PAM: variants seen among roughly 807,000 people sequenced by gnomAD.
PAM encodes the protein peptidylglycine alpha-amidating monooxygenase, also known as peptidyl-glycine alpha-amidating monooxygenase.
PAM carries 72 observed loss-of-function variants against 122.1 expected under a neutral mutation model. The observed-to-expected ratio is 0.59, with a 90% CI of 0.49 to 0.72. PAM has a LOEUF of 0.72. Among genes scored for constraint, PAM ranks in the 30% least tolerant of loss-of-function variants. PAM has a pLI of 0.00. For missense variants in PAM, 1,106 were observed against 1,183.7 expected, an observed-to-expected ratio of 0.93 and a Z score of 0.96; for synonymous variants, 389 against 404.4, an observed-to-expected ratio of 0.96 and a Z score of 0.46.
Position 102,974,292 on chromosome 5 carries a change from G to T in PAM, c.1339G>T (p.Glu447Ter), listed in dbSNP as rs1194442483. The T allele has an allele frequency of 1.9e-6, 3 of 1,614,070 alleles. No individual in the cohort carries two copies. Among genetic ancestry groups the T allele is most frequent in the Admixed American group, 3.3e-5 (2 of 60,012 alleles). ...RSDAREGAEH[E>*]RGNAILVRDR... ...TGATGCCAGAGAGGGTGCAGAACATGAGAGGGGTAATGCTATTCTTGTCAG... is the reference window on the plus strand; with the variant it reads ...TGATGCCAGAGAGGGTGCAGAACATTAGAGGGGTAATGCTATTCTTGTCAG... Residue 447 changes from glutamate to a stop codon, truncating the protein, a stop_gained, in exon 15 of 26, where the codon GAG becomes TAG. Transcript: ENST00000438793. LOFTEE classifies it high-confidence loss of function.
intron 1 of PAM, among the ~76,000 whole-genome samples, chr5:102,811,824 A>G (rs1767994700): frequency 6.6e-6 from 1 of 152,266 alleles, no homozygotes; most frequent in Non-Finnish European, 1.5e-5. Context: ...AAAATAATTA[A>G]TGTGGGAAAT....
chr5:102,984,034 C>A (rs567044610), intron 15 of PAM, among the ~76,000 whole-genome samples: 104 of 152,136 alleles, frequency 6.8e-4, no homozygotes, highest in African/African-American at 2.3e-3. Flanking sequence ...CCTCTATAAG[C>A]AAAACAACAA....
chr5:102,898,375 T>C (rs1032291939), intron 3 of PAM, among the ~76,000 whole-genome samples: 2 of 151,556 alleles, frequency 1.3e-5, no homozygotes, highest in African/African-American at 4.8e-5. Flanking sequence ...TTCATGATGA[T>C]GATAAATGGA....
chr5:102,860,152 G>C (rs1403703796), intron 1 of PAM, among the ~76,000 whole-genome samples: 1 of 152,142 alleles, frequency 6.6e-6, no homozygotes, highest in Non-Finnish European at 1.5e-5. Flanking sequence ...GGCAAAGCAG[G>C]GTAGAAATTG....
At chr5:102,808,843 T>C (rs1387452224) in intron 1 of PAM, among the ~76,000 whole-genome samples, 2 of 152,212 alleles carry the variant, frequency 1.3e-5, no homozygotes, top group African/African-American at 4.8e-5. Flanking sequence ...TCACACAATT[T>C]GATTGTAAAA....
At chr5:102,856,950 C>CCAA (rs371436590) in intron 1 of PAM, among the ~76,000 whole-genome samples, 8 of 152,050 alleles carry the variant, frequency 5.3e-5, no homozygotes, top group East Asian at 1.9e-4. Flanking sequence ...AAAAAACAAA[C>CCAA]CAACAACAAC....
At chr5:102,757,955 T>A (rs1750962617) in intron 1 of PAM, among the ~76,000 whole-genome samples, 2 of 148,036 alleles carry the variant, frequency 1.4e-5, no homozygotes, top group African/African-American at 2.5e-5. Context: ...GGAGGGAGGA[T>A]CTCTTGAAAC....
chr5:102,790,504 A>C (rs144248977), intron 1 of PAM, among the ~76,000 whole-genome samples: 1 of 152,028 alleles, frequency 6.6e-6, no homozygotes, highest in Non-Finnish European at 1.5e-5. Context: ...TGATTTGACT[A>C]TTATCCTGGG....
intron 23 of PAM, among the ~76,000 whole-genome samples, chr5:103,024,168 T>A (rs986870842): frequency 6.6e-6 from 1 of 152,164 alleles, no homozygotes. Context: ...TAACTTTTAG[T>A]CTGGGCAAAT....
chr5:102,769,638 A>T (rs1052081585), intron 1 of PAM, among the ~76,000 whole-genome samples: 1 of 151,906 alleles, frequency 6.6e-6, no homozygotes, highest in Non-Finnish European at 1.5e-5. Context: ...GTTCTGGGCA[A>T]CTTTGTTGAA....
At chr5:103,025,409 G>C in intron 24 of PAM, 75 bp downstream of exon 24, 7 of 1,227,228 alleles carry the variant, frequency 5.7e-6, no homozygotes, top group Non-Finnish European at 8.4e-6. Flanking sequence ...TCAGGAGTTT[G>C]ATTGGGATTT....
intron 1 of PAM, among the ~76,000 whole-genome samples, chr5:102,759,957 A>T (rs1751838118): frequency 6.6e-6 from 1 of 152,122 alleles, no homozygotes. Flanking sequence ...GTGTGGCTAA[A>T]AGCAAGGTAT....
At chr5:102,864,179 T>G (rs1439435491) in intron 1 of PAM, among the ~76,000 whole-genome samples, 3 of 138,740 alleles carry the variant, frequency 2.2e-5, no homozygotes, top group Non-Finnish European at 4.6e-5. Context: ...TATATATATA[T>G]ATATATTTTT....
At chr5:103,016,058 C>T (rs1290584299) in intron 21 of PAM, among the ~76,000 whole-genome samples, 1 of 152,082 alleles carries the variant, frequency 6.6e-6, no homozygotes, top group Non-Finnish European at 1.5e-5. Flanking sequence ...ACTGAACCTC[C>T]CAAAAAAGAT....
chr5:102,929,938 ATTC>A (rs1021992576), intron 7 of PAM, among the ~76,000 whole-genome samples: 13 of 151,892 alleles, frequency 8.6e-5, no homozygotes, highest in African/African-American at 2.2e-4. Flanking sequence ...GCCCAAGACA[ATTC>A]TTCTTCCAAT....
At chr5:102,854,799 A>AAAGAATTCT (rs1246272835) in intron 1 of PAM, among the ~76,000 whole-genome samples, 2 of 152,224 alleles carry the variant, frequency 1.3e-5, no homozygotes, top group Non-Finnish European at 2.9e-5. Flanking sequence ...CATCAGCATC[A>AAAGAATTCT]AAGAATTCTA....
chr5:102,836,859 C>CGAGGGA (rs1554080592), intron 1 of PAM, among the ~76,000 whole-genome samples: 1 of 120,786 alleles, frequency 8.3e-6, no homozygotes, highest in Non-Finnish European at 1.7e-5. Context: ...AGAAAGAAAC[C>CGAGGGA]GAGAGAGAGA....
At chr5:102,985,125 A>T (rs1771332796) in intron 15 of PAM, among the ~76,000 whole-genome samples, 1 of 152,122 alleles carries the variant, frequency 6.6e-6, no homozygotes, top group South Asian at 2.1e-4. Flanking sequence ...CCTACATCAA[A>T]GAGTAGAAGG....
intron 5 of PAM, among the ~76,000 whole-genome samples, chr5:102,923,575 T>A (rs1210200500): frequency 6.6e-6 from 1 of 152,140 alleles, no homozygotes; most frequent in Admixed American, 6.6e-5. Context: ...TTGGATTAAA[T>A]CCAATTCAAT....
Sources: gnomAD v4.1 joint callset for allele counts (sites outside exome capture counted in the v4.1 genomes callset) on GRCh38, gnomAD v4.1.1 for gene constraint, MANE v1.5 for transcripts, NCBI Gene and HGNC (gene_info 2026-07-23, HGNC 2026-07-21) for gene names.